KLF12: variants seen among roughly 807,000 people sequenced by gnomAD.
KLF12 encodes Krueppel-like factor 12.
Under a neutral mutation model 37.8 loss-of-function variants are expected in KLF12, and 9 were observed. The observed-to-expected ratio is 0.24, with a 90% confidence interval of 0.14 to 0.42. KLF12 has a LOEUF of 0.42. KLF12 is among the 10% of genes least tolerant of loss of function. KLF12 has a pLI of 1.00. For synonymous variants in KLF12, 208 were observed against 202.1 expected (o/e 1.03, Z -0.25); for missense variants, 411 against 516.0 (o/e 0.80, Z 1.97).
intron 6 of KLF12, among the ~76,000 whole-genome samples, chr13:73,739,275 A>AATAATG (rs1786789760): frequency 7.1e-6 from 1 of 140,842 alleles, no homozygotes; most frequent in African/African-American, 2.5e-5. Context: ...TAATAATAAT[A>AATAATG]AATGTACTTG....
intron 3 of KLF12, among the ~76,000 whole-genome samples, chr13:73,880,098 G>A (rs1886907024): frequency 6.6e-6 from 1 of 152,120 alleles, no homozygotes; most frequent in Admixed American, 6.5e-5. Flanking sequence ...CTCAGCTCAA[G>A]CCACCTCTAA....
At chr13:74,178,202 G>C in the KLF12 span, among the ~76,000 whole-genome samples, 4 of 152,258 alleles carry the variant, frequency 2.6e-5, no homozygotes, top group African/African-American at 9.6e-5. Context: ...AAGGGCAAAG[G>C]ATGTACGCTG....
At chr13:74,007,283 AT>A (rs796578580) in intron 1 of KLF12, among the ~76,000 whole-genome samples, 144 of 145,652 alleles carry the variant, frequency 9.9e-4, no homozygotes, top group African/African-American at 1.8e-3. Flanking sequence ...GGATATTTTT[AT>A]TTTTTTTTTT....
the KLF12 span, among the ~76,000 whole-genome samples, chr13:74,234,593 A>T: frequency 1.6e-4 from 24 of 152,342 alleles, 1 homozygote; most frequent in South Asian, 5.0e-3. Context: ...AACAGAATGA[A>T]GTCAGAAATA....
rs199513640 is a variant in KLF12 at position 73,873,930 on chromosome 13, C to CA, written c.124-27558dup. On this transcript the variant is annotated intron_variant, in intron 3 of 7. Coordinates refer to ENST00000377669, the MANE Select transcript of KLF12 (RefSeq NM_007249.5). ...TAAATAGTAAACATATGGCACTACT[C>CA]AAAAAAAAACATTGAAGCAAATAAC... is the stretch of plus-strand genomic sequence containing the variant. Among the ~76,000 whole-genome samples the CA allele has an allele frequency of 6.1e-3, 914 of 149,980 alleles. 17 individuals are homozygous for CA. The highest frequency in any genetic ancestry group is 0.055 in the East Asian group (282 of 5,118).
chr13:74,285,022 C>A, the KLF12 span, among the ~76,000 whole-genome samples: 1 of 151,984 alleles, frequency 6.6e-6, no homozygotes, highest in Non-Finnish European at 1.5e-5. Context: ...ATGAAAGTTT[C>A]TTTTAACTCA....
intron 3 of KLF12, among the ~76,000 whole-genome samples, chr13:73,940,673 C>T (rs1436059849): frequency 2.6e-5 from 4 of 152,180 alleles, no homozygotes; most frequent in African/African-American, 4.8e-5. Flanking sequence ...ATGTATTCAC[C>T]ATGTGCCAGA....
chr13:73,873,569 C>G (rs1300155228), intron 3 of KLF12, among the ~76,000 whole-genome samples: 3 of 152,018 alleles, frequency 2.0e-5, no homozygotes, highest in African/African-American at 7.2e-5. Context: ...TATTAAAACC[C>G]AATTTTATTA....
chr13:73,913,986 T>G lies in KLF12; in HGVS notation c.123+29995A>C, dbSNP rs553194893. ...TTTATAAGAAATCATTTATACTGCA[T>G]ATCCATGAATTAAACAAATTTATTT... On this transcript the variant is annotated intron_variant, in intron 3 of 7. Coordinates refer to ENST00000377669, the MANE Select transcript of KLF12 (RefSeq NM_007249.5). 1.1e-4 allele frequency among the ~76,000 whole-genome samples: 17 copies of G among 152,314 alleles called. 1 individual carries two copies. In the South Asian group the frequency reaches 2.1e-3, roughly 19 times the overall value.
rs564622257 is a variant in KLF12, at chr13:73,975,219, A to T, written c.33+19771T>A. On this transcript the variant is annotated intron_variant, in intron 2 of 7. Transcript: ENST00000377669. ...GCCAATCTCTGCTCAGCTCGAGAAC[A>T]CTCGTTCTACTGTATAGAATGAGGT... Among the ~76,000 whole-genome samples the T allele has an allele frequency of 3.2e-3, 484 of 152,248 alleles. 5 individuals are homozygous for T. Among genetic ancestry groups the T allele is most frequent in the African/African-American group, 0.011 (452 of 41,540 alleles).
the KLF12 span, among the ~76,000 whole-genome samples, chr13:74,175,366 G>A: frequency 4.6e-5 from 7 of 152,162 alleles, no homozygotes; most frequent in Admixed American, 6.5e-5. Flanking sequence ...GTCCTTTTCA[G>A]CAATTTGGAA....
chr13:73,966,733 C>A (rs183061299), intron 2 of KLF12, among the ~76,000 whole-genome samples: 1 of 152,276 alleles, frequency 6.6e-6, no homozygotes, highest in East Asian at 1.9e-4. Flanking sequence ...AGTCTTCTAC[C>A]CAGCAACGAA....
At chr13:74,280,580 C>T in the KLF12 span, among the ~76,000 whole-genome samples, 2 of 152,274 alleles carry the variant, frequency 1.3e-5, no homozygotes, top group Middle Eastern at 3.4e-3. Context: ...TGGGGAAACC[C>T]ATCTTGGGAT....
At chr13:73,752,100 G>A (rs951605095) in intron 6 of KLF12, among the ~76,000 whole-genome samples, 4 of 151,790 alleles carry the variant, frequency 2.6e-5, no homozygotes, top group African/African-American at 4.8e-5. Context: ...CTCCTGCCTC[G>A]GCCTCCTAAG....
chr13:74,164,652 T>C, the KLF12 span, among the ~76,000 whole-genome samples: 1 of 152,220 alleles, frequency 6.6e-6, no homozygotes, highest in African/African-American at 2.4e-5. Context: ...AAAGACTATA[T>C]GCTTTTGGGT....
intron 6 of KLF12, among the ~76,000 whole-genome samples, chr13:73,751,175 C>T (rs1197404872): frequency 6.6e-6 from 1 of 152,162 alleles, no homozygotes; most frequent in African/African-American, 2.4e-5. Flanking sequence ...CATGACTTTA[C>T]TATTGTGAAT....
intron 3 of KLF12, among the ~76,000 whole-genome samples, chr13:73,896,091 G>T (rs924188309): frequency 1.3e-5 from 2 of 152,108 alleles, no homozygotes; most frequent in Non-Finnish European, 2.9e-5. Flanking sequence ...AAAGTTCTGG[G>T]ATAGAAATCA....
At chr13:74,212,712 A>G in the KLF12 span, among the ~76,000 whole-genome samples, 1 of 152,180 alleles carries the variant, frequency 6.6e-6, no homozygotes, top group African/African-American at 2.4e-5. Context: ...GGAAAACTGA[A>G]ATAGAAGTGG....
chr13:74,243,828 A>T, the KLF12 span, among the ~76,000 whole-genome samples: 4 of 152,206 alleles, frequency 2.6e-5, no homozygotes, highest in Admixed American at 2.0e-4. Context: ...GGTCCATACT[A>T]AGAAGGGCAT....
Sources: gnomAD v4.1 joint callset for allele counts (sites outside exome capture counted in the v4.1 genomes callset) on GRCh38, gnomAD v4.1.1 for gene constraint, MANE v1.5 for transcripts, NCBI Gene and HGNC (gene_info 2026-07-23, HGNC 2026-07-21) for gene names.